The following RMDN2 variants were observed in gnomAD, a reference collection of about 807,000 sequenced individuals.
RMDN2 encodes the protein regulator of microtubule dynamics protein 2.
A neutral mutation model predicts 52.8 loss-of-function variants in RMDN2; 61 were observed. The ratio of observed to expected loss-of-function variants is 1.16; its 90% CI spans 0.94 to 1.43. The LOEUF is 1.43. Among genes scored for constraint, RMDN2 ranks in the 40% most tolerant of loss-of-function variants. The probability of loss-of-function intolerance (pLI) is 0.00; values close to 1 mark genes in which losing one functional copy is unlikely to be tolerated. For missense variants in RMDN2, 592 were observed against 475.3 expected, an observed-to-expected ratio of 1.25 and a Z score of -2.28; for synonymous variants, 180 against 153.1, an observed-to-expected ratio of 1.18 and a Z score of -1.30.
chr2:37,944,746 T>G (rs1396518930), intron 2 of RMDN2, among the ~76,000 whole-genome samples: 1 of 152,150 alleles, frequency 6.6e-6, no homozygotes, highest in Non-Finnish European at 1.5e-5. Context: ...TTCAAGGAAC[T>G]TGACTTTAGA....
At chr2:37,982,942 G>A (rs952441620) in intron 5 of RMDN2, among the ~76,000 whole-genome samples, 1 of 152,088 alleles carries the variant, frequency 6.6e-6, no homozygotes. Context: ...GTTTGATAAT[G>A]GAGGTATTTG....
At chr2:38,016,591 T>C (rs1327139778) in intron 10 of RMDN2, among the ~76,000 whole-genome samples, 2 of 152,150 alleles carry the variant, frequency 1.3e-5, no homozygotes, top group African/African-American at 4.8e-5. Flanking sequence ...ACAATGCACA[T>C]GGAGAGAAAC....
At chr2:37,987,528 G>A (rs1674189260) in intron 5 of RMDN2, among the ~76,000 whole-genome samples, 1 of 152,150 alleles carries the variant, frequency 6.6e-6, no homozygotes, top group East Asian at 1.9e-4. Context: ...GGTTGCCAGG[G>A]GTTGCGGGGA....
chr2:37,979,812 G>A (rs1025397758), intron 4 of RMDN2, among the ~76,000 whole-genome samples: 10 of 152,026 alleles, frequency 6.6e-5, no homozygotes, highest in South Asian at 2.1e-4. Flanking sequence ...CTGGCAGTAC[G>A]CTGAAAGTTT....
intron 2 of RMDN2, among the ~76,000 whole-genome samples, chr2:37,967,066 T>G (rs1463674984): frequency 6.6e-6 from 1 of 152,044 alleles, no homozygotes; most frequent in Non-Finnish European, 1.5e-5. Flanking sequence ...GAGAGCTCAT[T>G]TTAAGAAGGG....
At chr2:38,053,385 A>G (rs1028915429) in intron 10 of RMDN2, among the ~76,000 whole-genome samples, 2 of 152,182 alleles carry the variant, frequency 1.3e-5, no homozygotes, top group Non-Finnish European at 2.9e-5. Context: ...GGGAATGTCA[A>G]ACACACACAC....
In RMDN2 at chr2:37,932,964, T is replaced by C. The variant is rs1666944493; in HGVS notation, c.452+3235T>C. Among the ~76,000 whole-genome samples the C allele has an allele frequency of 2.0e-5, 3 of 149,610 alleles. No individual in the cohort carries two copies. In the South Asian group the frequency reaches 6.4e-4, roughly 32 times the overall value. On this transcript the variant is annotated intron_variant, in intron 2 of 10. Transcript: ENST00000354545. ...CGAGGTGGCTGCCGGGCGGAGACGC[T>C]CCTCACTTCCCAGACGGGGTGGCTG...
chr2:38,060,722 C>A (rs1237247957), intron 10 of RMDN2, among the ~76,000 whole-genome samples: 2 of 152,112 alleles, frequency 1.3e-5, no homozygotes, highest in African/African-American at 4.8e-5. Context: ...GCTCTCAAAG[C>A]TGATATGACC....
intron 5 of RMDN2, among the ~76,000 whole-genome samples, chr2:37,982,485 C>G (rs1261083875): frequency 6.6e-6 from 1 of 152,168 alleles, no homozygotes; most frequent in Non-Finnish European, 1.5e-5. Context: ...CCACAGCACC[C>G]TAACCCTGTA....
intron 5 of RMDN2, among the ~76,000 whole-genome samples, chr2:37,985,562 A>G (rs1484377161): frequency 6.6e-6 from 1 of 152,168 alleles, no homozygotes; most frequent in Non-Finnish European, 1.5e-5. Flanking sequence ...GTTATGCAAC[A>G]GATCACTGTC....
At chr2:38,038,098 T>C (rs953011133) in intron 10 of RMDN2, among the ~76,000 whole-genome samples, 15 of 152,098 alleles carry the variant, frequency 9.9e-5, no homozygotes, top group African/African-American at 3.6e-4. Flanking sequence ...GAACCGTTTC[T>C]TTCCCCCATT....
rs1441037739 is a variant in RMDN2, at chr2:38,003,544, CCTGA to C, written c.1045-446_1045-443del. The stretch of plus-strand genomic sequence containing the variant: ...CTCCAGCCTGGGCAACAAAGCAAGA[CCTGA>C]TAGATAGATAGATAGATAGATAGAT... On this transcript the variant is annotated intron_variant, in intron 8 of 10. Coordinates refer to ENST00000354545, the MANE Select transcript of RMDN2 (RefSeq NM_001170791.3). Among the ~76,000 whole-genome samples the C allele has an allele frequency of 5.8e-5, 5 of 85,840 alleles. No individual in the cohort carries two copies. In the East Asian group the frequency reaches 2.0e-3, roughly 35 times the overall value. 56.3% of individuals were successfully genotyped at this position (85,840 alleles called of 152,430 possible).
chr2:38,029,682 G>C (rs528718585), intron 10 of RMDN2: 15 of 151,586 alleles, frequency 9.9e-5, no homozygotes, highest in Non-Finnish European at 2.2e-4. Flanking sequence ...AGTGGAGAAA[G>C]AGGGAGAGGA....
intron 10 of RMDN2, among the ~76,000 whole-genome samples, chr2:38,045,228 G>A (rs1016898568): frequency 3.3e-5 from 5 of 152,084 alleles, no homozygotes; most frequent in Non-Finnish European, 5.9e-5. Flanking sequence ...TTTCTTCTCT[G>A]TATATGCTTT....
At chr2:38,028,985 G>A (rs1362204240) in intron 10 of RMDN2, among the ~76,000 whole-genome samples, 3 of 152,136 alleles carry the variant, frequency 2.0e-5, no homozygotes, top group Non-Finnish European at 4.4e-5. Flanking sequence ...CTGTTTTTAT[G>A]TGGGGCAGGA....
intron 10 of RMDN2, among the ~76,000 whole-genome samples, chr2:38,016,585 T>C (rs992556384): frequency 1.3e-5 from 2 of 152,114 alleles, no homozygotes; most frequent in Non-Finnish European, 2.9e-5. Context: ...AATGAGACAA[T>C]GCACATGGAG....
rs1260549279 is a variant in RMDN2 at position 37,941,939 on chromosome 2, TA to T, written c.452+12211del. Among the ~76,000 whole-genome samples, 15 of 56,018 alleles carry T rather than the reference TA, an allele frequency of 2.7e-4. No individual in the cohort carries two copies. In the East Asian group the frequency reaches 8.4e-3, roughly 31 times the overall value. 36.7% of individuals were successfully genotyped at this position (56,018 alleles called of 152,430 possible). On this transcript the variant is annotated intron_variant, in intron 2 of 10. Coordinates refer to ENST00000354545, the MANE Select transcript of RMDN2 (RefSeq NM_001170791.3). ...GCTGGTGTTCCAGGTGCCACTGGGG[TA>T]CCAAAAAAAAAAAAAAAAATTCCTG...
At chr2:38,014,507 G>A (rs1678469720) in intron 10 of RMDN2, among the ~76,000 whole-genome samples, 1 of 152,170 alleles carries the variant, frequency 6.6e-6, no homozygotes, top group Middle Eastern at 3.2e-3. Flanking sequence ...TACAGCATCA[G>A]TTTGGGACTA....
chr2:37,986,702 CAG>C lies in RMDN2; in HGVS notation c.792-2837_792-2836del, dbSNP rs374992461. 9.0e-4 allele frequency among the ~76,000 whole-genome samples: 137 copies of C among 152,092 alleles called. 2 individuals are homozygous for C. In the East Asian group the frequency reaches 0.022, roughly 25 times the overall value. On this transcript the variant is annotated intron_variant, in intron 5 of 10. Coordinates refer to ENST00000354545, the MANE Select transcript of RMDN2 (RefSeq NM_001170791.3). ...AATTACATGATTATTTTAACAGACA[CAG>C]AAAAAGCATTTGACAAAATCTAACA...
Sources: allele counts gnomAD v4.1 joint callset (sites outside exome capture counted in the v4.1 genomes callset), GRCh38; gene constraint gnomAD v4.1.1; transcripts MANE v1.5; gene names NCBI Gene and HGNC (gene_info 2026-07-23, HGNC 2026-07-21).